The following TULP4 variants were observed in gnomAD, a reference collection of about 807,000 sequenced individuals.
TULP4 encodes tubby-related protein 4.
A neutral mutation model predicts 129.0 loss-of-function variants in TULP4; 16 were observed. The observed-to-expected ratio is 0.12, with a 90% CI of 0.08 to 0.19. The LOEUF is 0.19. Among genes scored for constraint, TULP4 ranks in the 10% least tolerant of loss-of-function variants. The pLI, the probability that TULP4 is intolerant of heterozygous loss-of-function variation, is 1.00. For synonymous variants in TULP4, 998 were observed against 854.0 expected, an observed-to-expected ratio of 1.17 and a Z score of -2.94; for missense variants, 1,842 against 2,059.1, an observed-to-expected ratio of 0.89 and a Z score of 2.04.
At chr6:158,495,179 A>G (rs1401424096) in intron 11 of TULP4, among the ~76,000 whole-genome samples, 3 of 151,884 alleles carry the variant, frequency 2.0e-5, no homozygotes, top group South Asian at 2.1e-4. Context: ...CAGCCCCCAA[A>G]GTAGCTGGGA....
At chr6:158,484,765 C>A (rs1780027446) in intron 8 of TULP4, among the ~76,000 whole-genome samples, 1 of 152,252 alleles carries the variant, frequency 6.6e-6, no homozygotes, top group Non-Finnish European at 1.5e-5. Context: ...AACCTTGAGA[C>A]TGCTCAGCCT....
At chr6:158,390,314 C>T (rs1166984423) in intron 1 of TULP4, among the ~76,000 whole-genome samples, 1 of 151,568 alleles carries the variant, frequency 6.6e-6, no homozygotes. Context: ...TGGTCTGTAG[C>T]TTGCTTTTTT....
At chr6:158,392,235 C>T (rs561825354) in intron 1 of TULP4, among the ~76,000 whole-genome samples, 1 of 152,280 alleles carries the variant, frequency 6.6e-6, no homozygotes, top group East Asian at 1.9e-4. Context: ...TCTCATGAGA[C>T]TTATTCACTA....
At chr6:158,280,085 G>C (rs1010420629), upstream of TULP4, among the ~76,000 whole-genome samples, 1 of 152,134 alleles carries the variant, frequency 6.6e-6, no homozygotes, top group Non-Finnish European at 1.5e-5. Context: ...CGTATTTCTC[G>C]TGTATTCCAT....
At chr6:158,282,409 C>G (rs1025270467) in intron 1 of TULP4, 7 of 151,818 alleles carry the variant, frequency 4.6e-5, no homozygotes, top group African/African-American at 1.7e-4. Flanking sequence ...TATGAATTCC[C>G]TCTAAGAACT....
chr6:158,324,117 G>A (rs1779694352), intron 1 of TULP4, among the ~76,000 whole-genome samples: 1 of 152,172 alleles, frequency 6.6e-6, no homozygotes, highest in South Asian at 2.1e-4. Context: ...GCACTTACTA[G>A]AATTTGATGG....
At chr6:158,447,577 T>G (rs372846912) in intron 3 of TULP4, among the ~76,000 whole-genome samples, 1 of 152,232 alleles carries the variant, frequency 6.6e-6, no homozygotes. Context: ...TCACTGACTT[T>G]AGTGCATTCG....
chr6:158,369,163 A>G (rs1377444686), intron 1 of TULP4, among the ~76,000 whole-genome samples: 1 of 152,118 alleles, frequency 6.6e-6, no homozygotes, highest in African/African-American at 2.4e-5. Flanking sequence ...TCTTACAGGG[A>G]ATGTCATTTT....
intron 1 of TULP4, among the ~76,000 whole-genome samples, chr6:158,385,764 C>T (rs1361775034): frequency 7.0e-6 from 1 of 142,036 alleles, no homozygotes; most frequent in Non-Finnish European, 1.5e-5. Flanking sequence ...ACCCTCTCTT[C>T]TCCAAAATAG....
intron 1 of TULP4, among the ~76,000 whole-genome samples, chr6:158,365,670 A>C (rs1208454871): frequency 6.6e-6 from 1 of 150,776 alleles, no homozygotes; most frequent in Non-Finnish European, 1.5e-5. Flanking sequence ...AGGGGGTTTC[A>C]CCATGTTAGC....
At chr6:158,307,932 C>T (rs899350536), upstream of TULP4, among the ~76,000 whole-genome samples, 1 of 151,764 alleles carries the variant, frequency 6.6e-6, no homozygotes, top group African/African-American at 2.4e-5. Flanking sequence ...CTCGCAAGCT[C>T]ATAGTGATGA....
At chr6:158,486,688 TGAG>T (rs1780078846) in intron 8 of TULP4, among the ~76,000 whole-genome samples, 2 of 152,206 alleles carry the variant, frequency 1.3e-5, no homozygotes, top group African/African-American at 4.8e-5. Context: ...CTCCAGAGTA[TGAG>T]GAAACAATTT....
intron 5 of TULP4, 140 bp from the exon 6 acceptor site, chr6:158,461,423 A>AAG (rs1554293674): frequency 0.016 from 12,462 of 796,204 alleles, 52 homozygotes; most frequent in South Asian, 0.04. Flanking sequence ...AAAAAAAAAA[A>AAG]AAAGGAAAAA....
chr6:158,314,486 C>A (rs1779441740), intron 1 of TULP4, among the ~76,000 whole-genome samples: 1 of 152,208 alleles, frequency 6.6e-6, no homozygotes, highest in Non-Finnish European at 1.5e-5. Context: ...TTGTCCCTGG[C>A]ACCCCTGCTG....
intron 1 of TULP4, among the ~76,000 whole-genome samples, chr6:158,374,738 G>A (rs1427445959): frequency 3.3e-5 from 5 of 152,172 alleles, no homozygotes; most frequent in Admixed American, 3.3e-4. Flanking sequence ...GCTGCCATTA[G>A]AGAAGAGTTC....
intron 6 of TULP4, among the ~76,000 whole-genome samples, chr6:158,474,280 C>T (rs538234047): frequency 5.3e-5 from 8 of 152,302 alleles, no homozygotes; most frequent in South Asian, 2.1e-4. Context: ...GGAGAGCCTC[C>T]GACTGTCCCA....
chr6:158,259,994 A>C (rs1368041589), intron 1 of TULP4, among the ~76,000 whole-genome samples: 1 of 152,162 alleles, frequency 6.6e-6, no homozygotes. Flanking sequence ...TCAGGTGTTT[A>C]TCGTATCAGG....
At chr6:158,444,791 G>A (rs917331586) in intron 3 of TULP4, among the ~76,000 whole-genome samples, 10 of 152,130 alleles carry the variant, frequency 6.6e-5, no homozygotes, top group African/African-American at 1.2e-4. Flanking sequence ...GAGATTATAT[G>A]TGGATATCAT....
At chr6:158,337,698 G>A (rs1190724264) in intron 1 of TULP4, among the ~76,000 whole-genome samples, 1 of 152,084 alleles carries the variant, frequency 6.6e-6, no homozygotes, top group African/African-American at 2.4e-5. Flanking sequence ...AAAGTGTCAA[G>A]TGCACTGGAT....
Sources: allele counts gnomAD v4.1 joint callset (sites outside exome capture counted in the v4.1 genomes callset), GRCh38; gene constraint gnomAD v4.1.1; transcripts MANE v1.5; gene names NCBI Gene and HGNC (gene_info 2026-07-23, HGNC 2026-07-21).